Variants in TNN observed in about 807,000 individuals in gnomAD.
The protein encoded by TNN is tenascin-N.
Under a neutral mutation model 134.4 loss-of-function variants are expected in TNN, and 122 were observed. That is an observed-to-expected ratio of 0.91 (90% confidence interval 0.78 to 1.06). TNN has a LOEUF of 1.06. TNN is among the 50% of genes least tolerant of loss of function. TNN has a pLI of 0.00. For synonymous variants in TNN, 710 were observed against 670.3 expected, an observed-to-expected ratio of 1.06 and a Z score of -0.91; for missense variants, 1,739 against 1,699.4, an observed-to-expected ratio of 1.02 and a Z score of -0.41.
intron 6 of TNN, among the ~76,000 whole-genome samples, chr1:175,085,893 A>AAG (rs976430393): frequency 5.3e-5 from 8 of 151,616 alleles, no homozygotes; most frequent in African/African-American, 1.2e-4. Context: ...AAAAAAAAAA[A>AAG]AGAGAATTCT....
chr1:175,079,476 C>T lies in TNN; in HGVS notation c.553C>T (p.Arg185Cys), dbSNP rs778194552. The change falls in exon 3 of 19, where the codon CGC (arginine) becomes TGC (cysteine). Residue 185 changes from arginine (R) to cysteine (C), a missense_variant. Coordinates refer to ENST00000239462, the MANE Select transcript of TNN (RefSeq NM_022093.2). The part of the protein sequence containing the change: ...CSGHGRCVDG[R>C]CLCHEPYVGA... ...CGGCCACGGGCGTTGCGTGGACGGG[C>T]GCTGCCTGTGCCATGAGCCCTACGT... 47 of 1,562,816 alleles carry T rather than the reference C, an allele frequency of 3.0e-5. No homozygotes were observed. Among genetic ancestry groups the T allele is most frequent in the Non-Finnish European group, 3.9e-5 (45 of 1,156,118 alleles).
intron 17 of TNN, among the ~76,000 whole-genome samples, chr1:175,138,859 G>A (rs1049163929): frequency 6.6e-6 from 1 of 152,190 alleles, no homozygotes; most frequent in African/African-American, 2.4e-5. Flanking sequence ...ATAGACCAAG[G>A]TATATGGTGT....
chr1:175,116,218 CT>C (rs201339542), intron 9 of TNN, among the ~76,000 whole-genome samples: 1 of 151,860 alleles, frequency 6.6e-6, no homozygotes, highest in African/African-American at 2.4e-5. Context: ...TTTTCCCTGC[CT>C]TTTTTTTCTT....
intron 9 of TNN, among the ~76,000 whole-genome samples, chr1:175,113,819 C>CT (rs1166398878): frequency 1.3e-5 from 2 of 151,680 alleles, no homozygotes; most frequent in Non-Finnish European, 2.9e-5. Context: ...TTCAGAGATC[C>CT]TTTTTTCTGC....
At chr1:175,083,386 G>A (rs560674852) in intron 4 of TNN, among the ~76,000 whole-genome samples, 24 of 152,320 alleles carry the variant, frequency 1.6e-4, no homozygotes, top group African/African-American at 5.5e-4. Context: ...GCTGAAGAGT[G>A]GGCCTTTAGT....
chr1:175,071,215 A>G (rs1673907008), intron 1 of TNN, among the ~76,000 whole-genome samples: 1 of 152,248 alleles, frequency 6.6e-6, no homozygotes, highest in Non-Finnish European at 1.5e-5. Context: ...AAGGTCTGTA[A>G]CAGTGGCTAG....
rs760413981 is a variant in TNN, at chr1:175,128,100, T to C, written c.3114T>C (p.Pro1038=). The change falls in exon 14 of 19, where the codon CCT becomes CCC. Residue 1038 remains proline, a synonymous_variant. Coordinates refer to ENST00000239462, the MANE Select transcript of TNN (RefSeq NM_022093.2). Reference sequence around the variant, plus strand: ...GCCTTGAGCAAGGCGCCACCTACCCTGTCTCCCTTGTTGCCTTTAAGGGTG... The same window carrying C: ...GCCTTGAGCAAGGCGCCACCTACCCCGTCTCCCTTGTTGCCTTTAAGGGTG... The part of the protein sequence containing the change: ...LQGLEQGATY[P]VSLVAFKGGR... 2 of 1,613,872 alleles carry C rather than the reference T, an allele frequency of 1.2e-6. No individual in the cohort carries two copies. Among genetic ancestry groups the C allele is most frequent in the African/African-American group, 1.3e-5 (1 of 74,932 alleles).
At chr1:175,093,875 G>C (rs956405935) in intron 6 of TNN, 115 bp from the exon 7 acceptor site, 2 of 1,079,798 alleles carry the variant, frequency 1.9e-6, no homozygotes, top group African/African-American at 3.2e-5. Context: ...AGACCCCCTT[G>C]TATTGCATAA....
intron 6 of TNN, among the ~76,000 whole-genome samples, 171 bp downstream of exon 6, chr1:175,085,665 G>A (rs994801456): frequency 9.2e-5 from 14 of 152,008 alleles, no homozygotes; most frequent in African/African-American, 3.4e-4. Context: ...ACCTGATGTC[G>A]GGAGTTCGAG....
intron 16 of TNN, 128 bp downstream of exon 16, chr1:175,136,069 G>A: frequency 2.9e-6 from 2 of 678,314 alleles, no homozygotes; most frequent in Admixed American, 2.4e-5. Context: ...ACAGAGGACT[G>A]TGCCGAGCAG....
rs770001262 is a variant in TNN at position 175,085,472 on chromosome 1, G to A, written c.1302G>A (p.Pro434=). Reference sequence around the variant, plus strand: ...TGAGAGGAGAGCTGGAGGGCAAGCCGATCCTCCTGAATGGCAGGACAGGTG... The same window carrying A: ...TGAGAGGAGAGCTGGAGGGCAAGCCAATCCTCCTGAATGGCAGGACAGGTG... ...VPMRGELEGK[P]ILLNGRTEID... Residue 434 remains proline, a synonymous_variant, in exon 6 of 19, where the codon CCG becomes CCA. Transcript: ENST00000239462. 1.2e-5 allele frequency: 20 copies of A among 1,612,246 alleles called. No individual in the cohort carries two copies. Among genetic ancestry groups the A allele is most frequent in the African/African-American group, 2.7e-5 (2 of 74,866 alleles).
At chr1:175,102,853 C>T (rs1674761851) in intron 9 of TNN, among the ~76,000 whole-genome samples, 1 of 146,144 alleles carries the variant, frequency 6.8e-6, no homozygotes, top group South Asian at 2.3e-4. Context: ...TGCCAGCATG[C>T]TGTCACCTCT....
intron 9 of TNN, among the ~76,000 whole-genome samples, chr1:175,108,463 G>C (rs59487376): frequency 0.23 from 35,316 of 152,240 alleles, 4,418 homozygotes; most frequent in African/African-American, 0.31. Flanking sequence ...GCTCGTACTC[G>C]TCAGCCCTTG....
chr1:175,144,072 G>T (rs912251461), intron 17 of TNN, among the ~76,000 whole-genome samples: 4 of 152,172 alleles, frequency 2.6e-5, no homozygotes, highest in South Asian at 2.1e-4. Flanking sequence ...GTGCTCTTGT[G>T]TGTGGTGTGG....
intron 17 of TNN, 89 bp downstream of exon 17, chr1:175,137,077 G>T: frequency 7.3e-7 from 1 of 1,371,438 alleles, no homozygotes. Context: ...CTGGGGGATG[G>T]AATATTATTC....
chr1:175,135,477 C>T (rs1259416977), intron 15 of TNN, among the ~76,000 whole-genome samples: 1 of 152,158 alleles, frequency 6.6e-6, no homozygotes, highest in Non-Finnish European at 1.5e-5. Flanking sequence ...ACATGATGTG[C>T]CCCAATTGAG....
chr1:175,146,091 T>C (rs1676062611), intron 18 of TNN, among the ~76,000 whole-genome samples: 1 of 152,172 alleles, frequency 6.6e-6, no homozygotes, highest in Non-Finnish European at 1.5e-5. Context: ...CCAATCTTTA[T>C]GTGATTTTTC....
intron 12 of TNN, among the ~76,000 whole-genome samples, chr1:175,124,026 G>A (rs760739751): frequency 1.3e-5 from 2 of 152,356 alleles, no homozygotes; most frequent in South Asian, 2.1e-4. Flanking sequence ...CAATGGGGAT[G>A]CATCTTTCTC....
At position 175,097,673 on chromosome 1, in the gene TNN, C is replaced by T. The variant is rs564187493; in HGVS notation, c.1845C>T (p.Asn615=). Residue 615 remains asparagine, a synonymous_variant, in exon 8 of 19, where the codon AAC becomes AAT. Transcript: ENST00000239462. ...GAGAGAGCAAGAAGGCTGACACCAA[C>T]GCCCCGACAGGTAACAAAAGAGAGA... ...GDRESKKADT[N]APTDIDSPKN... 109 of 1,613,700 alleles carry T rather than the reference C, an allele frequency of 6.8e-5. 1 individual carries two copies. Among genetic ancestry groups the T allele is most frequent in the South Asian group, 3.8e-4 (35 of 91,032 alleles).
Sources: gnomAD v4.1 joint callset for allele counts (sites outside exome capture counted in the v4.1 genomes callset) on GRCh38, gnomAD v4.1.1 for gene constraint, MANE v1.5 for transcripts, NCBI Gene and HGNC (gene_info 2026-07-23, HGNC 2026-07-21) for gene names.